The following PHF21A variants were observed in gnomAD, a reference collection of about 807,000 sequenced individuals.
PHF21A encodes the protein BHC80a.
A neutral mutation model predicts 82.5 loss-of-function variants in PHF21A; 11 were observed. The ratio of observed to expected loss-of-function variants is 0.13; its 90% confidence interval spans 0.08 to 0.22. The LOEUF (loss-of-function observed/expected upper bound fraction) is 0.22. Among genes scored for constraint, PHF21A ranks in the 10% least tolerant of loss-of-function variants. The pLI is 1.00. For missense variants in PHF21A, 579 were observed against 837.8 expected (o/e 0.69, Z 3.81); for synonymous variants, 297 against 302.8 (o/e 0.98, Z 0.20).
At chr11:46,001,640 A>T (rs2095135033) in intron 6 of PHF21A, among the ~76,000 whole-genome samples, 1 of 152,202 alleles carries the variant, frequency 6.6e-6, no homozygotes, top group Non-Finnish European at 1.5e-5. Context: ...TTACATTTTT[A>T]AAATTCCATT....
intron 6 of PHF21A, among the ~76,000 whole-genome samples, chr11:46,036,331 T>C (rs1331870129): frequency 6.6e-6 from 1 of 152,190 alleles, no homozygotes; most frequent in Non-Finnish European, 1.5e-5. Context: ...AGTACGACAC[T>C]GAAGTGAAGT....
At chr11:45,984,588 T>A (rs2094432106) in intron 6 of PHF21A, among the ~76,000 whole-genome samples, 1 of 152,236 alleles carries the variant, frequency 6.6e-6, no homozygotes, top group East Asian at 1.9e-4. Flanking sequence ...AAAATCAGGT[T>A]CGTTTTTCCA....
intron 13 of PHF21A, 70 bp downstream of exon 13, chr11:45,949,332 G>A (rs2091785540): frequency 2.4e-6 from 3 of 1,257,602 alleles, no homozygotes; most frequent in Non-Finnish European, 3.5e-6. Flanking sequence ...GGTTTTCAGA[G>A]GGGAGGCACT....
At chr11:46,001,867 T>C (rs1206039458) in intron 6 of PHF21A, among the ~76,000 whole-genome samples, 1 of 152,152 alleles carries the variant, frequency 6.6e-6, no homozygotes, top group Non-Finnish European at 1.5e-5. Flanking sequence ...ACAACCCAGA[T>C]GGGCCATAAT....
rs1452859819 is a variant in PHF21A at position 45,971,905 on chromosome 11, T to TTTTTTTTTTCTTTTTTTTTTTTTTA, written c.361-539_361-538insTAAAAAAAAAAAAAAGAAAAAAAAA. ...CTTTTTCTTTCTTTTTTTTTTTTTTTATGGTGTCACCCTGGAGAGAAGGAA... is the reference window on the plus strand; with the variant it reads ...CTTTTTCTTTCTTTTTTTTTTTTTTTTTTTTTTTTCTTTTTTTTTTTTTTAATGGTGTCACCCTGGAGAGAAGGAA... On this transcript the variant is annotated intron_variant, in intron 7 of 18. Transcript: ENST00000676320. Among the ~76,000 whole-genome samples the TTTTTTTTTTCTTTTTTTTTTTTTTA allele has an allele frequency of 8.3e-4, 75 of 89,946 alleles. 8 individuals carry two copies. The East Asian group carries it at 0.031, about 38-fold the overall frequency. The allele number at this position is 89,946 out of a possible 152,430, so 59.0% of individuals were successfully genotyped here. A position where few individuals can be genotyped will look rare whatever the true frequency, so the allele number is the denominator to read the frequency against.
intron 15 of PHF21A, 92 bp from the exon 16 acceptor site, chr11:45,938,404 G>A: frequency 9.8e-7 from 1 of 1,024,736 alleles, no homozygotes; most frequent in Non-Finnish European, 1.4e-6. Flanking sequence ...AAATGTTTTA[G>A]GACAATCAGC....
chr11:45,989,409 C>T (rs2094599994), intron 6 of PHF21A, among the ~76,000 whole-genome samples: 1 of 147,134 alleles, frequency 6.8e-6, no homozygotes, highest in Non-Finnish European at 1.5e-5. Context: ...AATCCCAGCA[C>T]TTTGGGAGGC....
At chr11:46,061,964 A>G (rs1357994237) in intron 6 of PHF21A, among the ~76,000 whole-genome samples, 1 of 152,198 alleles carries the variant, frequency 6.6e-6, no homozygotes, top group Admixed American at 6.5e-5. Flanking sequence ...ATAGAATTCT[A>G]TACTGGAAAT....
chr11:46,030,877 T>C (rs866096688), intron 6 of PHF21A, among the ~76,000 whole-genome samples: 18 of 148,254 alleles, frequency 1.2e-4, no homozygotes, highest in African/African-American at 4.0e-4. Context: ...GTGTTTCCAG[T>C]AGCAATTTCT....
intron 6 of PHF21A, among the ~76,000 whole-genome samples, chr11:46,040,386 T>C (rs144322527): frequency 3.9e-4 from 60 of 152,352 alleles, no homozygotes; most frequent in Admixed American, 9.1e-4. Context: ...ATAAAAGTTT[T>C]TTTTAGCATT....
At chr11:46,086,800 C>A (rs2096862019) in intron 3 of PHF21A, among the ~76,000 whole-genome samples, 1 of 152,126 alleles carries the variant, frequency 6.6e-6, no homozygotes, top group Admixed American at 6.5e-5. Context: ...CACATAAACT[C>A]TGGAAATGAA....
chr11:45,985,328 A>G (rs1389109930), intron 6 of PHF21A, among the ~76,000 whole-genome samples: 1 of 152,272 alleles, frequency 6.6e-6, no homozygotes, highest in Non-Finnish European at 1.5e-5. Context: ...CTGTCATAAC[A>G]TTAGAGACAA....
At chr11:46,082,134 T>C (rs1359694976) in intron 4 of PHF21A, among the ~76,000 whole-genome samples, 1 of 152,200 alleles carries the variant, frequency 6.6e-6, no homozygotes, top group Non-Finnish European at 1.5e-5. Context: ...ATGTGTACAT[T>C]GCTACTTTCA....
chr11:46,103,961 TGAG>T (rs753228175), intron 1 of PHF21A, among the ~76,000 whole-genome samples: 9 of 152,160 alleles, frequency 5.9e-5, no homozygotes, highest in East Asian at 1.9e-4. Flanking sequence ...TCCTCAAATC[TGAG>T]GAGATCATTG....
At chr11:46,105,953 CA>C (rs1308836359) in intron 1 of PHF21A, among the ~76,000 whole-genome samples, 4 of 152,156 alleles carry the variant, frequency 2.6e-5, no homozygotes, top group African/African-American at 9.6e-5. Context: ...TTTAATTACA[CA>C]AATATAAGTA....
intron 7 of PHF21A, among the ~76,000 whole-genome samples, chr11:45,973,724 G>C (rs889726083): frequency 6.6e-6 from 1 of 152,170 alleles, no homozygotes; most frequent in Non-Finnish European, 1.5e-5. Context: ...CAGTGTATTA[G>C]CCCTTGTTTT....
intron 6 of PHF21A, among the ~76,000 whole-genome samples, chr11:46,057,836 T>C (rs569897811): frequency 5.8e-4 from 89 of 152,200 alleles, no homozygotes; most frequent in African/African-American, 2.1e-3. Context: ...AGTGTAAAAA[T>C]ATGGTGCTTA....
intron 9 of PHF21A, 85 bp downstream of exon 9, chr11:45,969,730 G>T: frequency 1.2e-6 from 1 of 855,638 alleles, no homozygotes; most frequent in Non-Finnish European, 2.0e-6. Flanking sequence ...GGGCTGACAA[G>T]CCCCATTACA....
chr11:46,089,256 T>G (rs2096894029), intron 3 of PHF21A, among the ~76,000 whole-genome samples: 1 of 152,202 alleles, frequency 6.6e-6, no homozygotes, highest in Non-Finnish European at 1.5e-5. Context: ...AATATCAGGT[T>G]TCAATTTGTA....
Sources: allele counts gnomAD v4.1 joint callset (sites outside exome capture counted in the v4.1 genomes callset), GRCh38; gene constraint gnomAD v4.1.1; transcripts MANE v1.5; gene names NCBI Gene and HGNC (gene_info 2026-07-23, HGNC 2026-07-21).